The following ACVR2A variants were observed in gnomAD, a reference collection of about 807,000 sequenced individuals.
ACVR2A encodes activin receptor type-2A.
ACVR2A carries 7 observed loss-of-function variants against 61.4 expected under a neutral mutation model. The observed-to-expected ratio is 0.11, with a 90% CI of 0.06 to 0.21. ACVR2A has a LOEUF of 0.21. Ranked by LOEUF, ACVR2A falls within the 10% of genes least tolerant of loss-of-function variation. The pLI, the probability that ACVR2A is intolerant of heterozygous loss-of-function variation, is 1.00. For synonymous variants in ACVR2A, 193 were observed against 208.3 expected (o/e 0.93, Z 0.63); for missense variants, 322 against 621.7 (o/e 0.52, Z 5.13).
chr2:147,872,444 A>AT (rs1686044310), intron 1 of ACVR2A, among the ~76,000 whole-genome samples: 1 of 151,430 alleles, frequency 6.6e-6, no homozygotes, highest in East Asian at 1.9e-4. Context: ...GACTGCAGTG[A>AT]TTTTTTTATT....
rs2105194420 is a variant in ACVR2A at position 147,899,728 on chromosome 2, C to T, written c.374-16C>T. The T allele has an allele frequency of 2.5e-6, 4 of 1,608,930 alleles. No individual in the cohort carries two copies. The highest frequency in any genetic ancestry group is 3.4e-6 in the Non-Finnish European group (4 of 1,177,508). On this transcript the variant is annotated splice_polypyrimidine_tract_variant and intron_variant, in intron 3 of 10. Coordinates refer to ENST00000241416, the MANE Select transcript of ACVR2A (RefSeq NM_001616.5). ...GTAGACCAAATCTGAGTTATTTTTC[C>T]CCCCCTTTTCCACAGCCACTTCAAA...
chr2:147,860,193 G>A (rs1685694993), intron 1 of ACVR2A, among the ~76,000 whole-genome samples: 2 of 152,090 alleles, frequency 1.3e-5, no homozygotes, highest in South Asian at 4.1e-4. Context: ...CACCAGCTGG[G>A]CTCTTAACTC....
At chr2:147,916,128 TTTACCTCCTCTGTTCAATC>T (rs1271760127) in intron 5 of ACVR2A, among the ~76,000 whole-genome samples, 1 of 151,930 alleles carries the variant, frequency 6.6e-6, no homozygotes, top group Non-Finnish European at 1.5e-5. Flanking sequence ...TTTTAACCTT[TTTACCTCCTCTGTTCAATC>T]TTACCTCCTC....
chr2:147,890,522 T>G (rs979252815), intron 1 of ACVR2A, among the ~76,000 whole-genome samples: 8 of 152,152 alleles, frequency 5.3e-5, no homozygotes, highest in Non-Finnish European at 8.8e-5. Context: ...TGAGAAAATA[T>G]AGAGGGGATT....
At chr2:147,870,474 T>G (rs1428295822) in intron 1 of ACVR2A, among the ~76,000 whole-genome samples, 1 of 152,188 alleles carries the variant, frequency 6.6e-6, no homozygotes, top group Non-Finnish European at 1.5e-5. Context: ...TGAGAGCAGA[T>G]GTCACATTTC....
At chr2:147,923,646 G>A (rs1687437749) in intron 9 of ACVR2A, among the ~76,000 whole-genome samples, 1 of 151,996 alleles carries the variant, frequency 6.6e-6, no homozygotes, top group African/African-American at 2.4e-5. Context: ...GATATTTCCA[G>A]TGTGACAGAA....
intron 1 of ACVR2A, among the ~76,000 whole-genome samples, chr2:147,845,734 C>T (rs1338143822): frequency 8.5e-5 from 13 of 152,154 alleles, no homozygotes; most frequent in Admixed American, 4.6e-4. Context: ...TCTCCCCTCA[C>T]GTTTTCTTCA....
chr2:147,850,549 A>G (rs1685417989), intron 1 of ACVR2A, among the ~76,000 whole-genome samples: 1 of 152,200 alleles, frequency 6.6e-6, no homozygotes, highest in Non-Finnish European at 1.5e-5. Flanking sequence ...AAATTTGACT[A>G]GAACCAAGAG....
At chr2:147,908,811 A>G (rs1687049200) in intron 4 of ACVR2A, among the ~76,000 whole-genome samples, 4 of 151,986 alleles carry the variant, frequency 2.6e-5, no homozygotes, top group Admixed American at 1.3e-4. Flanking sequence ...AGGTATCTCC[A>G]CTCCCAGAAA....
chr2:147,854,979 C>A (rs1685533564), intron 1 of ACVR2A, among the ~76,000 whole-genome samples: 2 of 152,016 alleles, frequency 1.3e-5, no homozygotes, highest in South Asian at 4.1e-4. Context: ...CCTTCCAGTT[C>A]AAGTGATTCT....
chr2:147,891,004 G>A (rs575632973), intron 1 of ACVR2A, among the ~76,000 whole-genome samples: 1 of 152,078 alleles, frequency 6.6e-6, no homozygotes, highest in South Asian at 2.1e-4. Context: ...CTTAAAAAAT[G>A]GTGGAAATAT....
intron 1 of ACVR2A, among the ~76,000 whole-genome samples, chr2:147,848,082 T>C (rs1041413112): frequency 4.6e-5 from 7 of 152,206 alleles, no homozygotes; most frequent in African/African-American, 1.4e-4. Flanking sequence ...ACTGTGTATG[T>C]GTGAATGTAT....
chr2:147,927,124 C>T lies in ACVR2A; in HGVS notation c.1392C>T (p.His464=), dbSNP rs1282405333. Residue 464 remains histidine (H), a synonymous_variant, in exon 11 of 11, where the codon CAC becomes CAT. Coordinates refer to ENST00000241416, the MANE Select transcript of ACVR2A (RefSeq NM_001616.5). ...AAACCATTGAAGAATGTTGGGATCA[C>T]GACGCAGAAGCCAGGTTATCAGCTG... ...LCETIEECWD[H]DAEARLSAGC... 1.4e-5 allele frequency: 22 copies of T among 1,611,818 alleles called. No individual in the cohort carries two copies. Among genetic ancestry groups the T allele is most frequent in the South Asian group, 6.6e-5 (6 of 91,022 alleles).
intron 4 of ACVR2A, among the ~76,000 whole-genome samples, chr2:147,909,763 G>A (rs755169125): frequency 2.6e-5 from 4 of 152,018 alleles, no homozygotes; most frequent in African/African-American, 9.7e-5. Flanking sequence ...TCAGACATCC[G>A]AGTAGCTGGG....
At chr2:147,918,356 C>T (rs374473811) in intron 6 of ACVR2A, 91 bp from the exon 7 acceptor site, 4 of 1,124,246 alleles carry the variant, frequency 3.6e-6, no homozygotes, top group Non-Finnish European at 1.2e-6. Flanking sequence ...GAAAGGGAAA[C>T]TCACAACCTC....
chr2:147,908,678 T>G (rs1474819249), intron 4 of ACVR2A, among the ~76,000 whole-genome samples: 1 of 152,146 alleles, frequency 6.6e-6, no homozygotes, highest in Non-Finnish European at 1.5e-5. Context: ...ATGGTAAAAT[T>G]TCTTAGAATG....
At chr2:147,907,269 T>C (rs1687009890) in intron 4 of ACVR2A, among the ~76,000 whole-genome samples, 2 of 152,182 alleles carry the variant, frequency 1.3e-5, no homozygotes, top group Admixed American at 6.6e-5. Context: ...GTTCCATGTC[T>C]TTGCTGTTGT....
At chr2:147,915,068 C>G (rs1687217542) in intron 4 of ACVR2A, 123 bp from the exon 5 acceptor site, 1 of 853,116 alleles carries the variant, frequency 1.2e-6, no homozygotes, top group African/African-American at 1.7e-5. Context: ...AAGTTAATGT[C>G]ATTCATATGT....
rs138097516 is a variant in ACVR2A at position 147,919,258 on chromosome 2, T to C, written c.962+666T>C. Among the ~76,000 whole-genome samples the C allele has an allele frequency of 9.9e-5, 15 of 152,278 alleles. No individual in the cohort carries two copies. The South Asian group carries it at 1.5e-3, about 15-fold the overall frequency. Reference sequence around the variant, plus strand: ...GCCACCAGGCGATGTTTTAGGTTGCTGGGAGGCATTATTGTAAGTCAGCCT... The same window carrying C: ...GCCACCAGGCGATGTTTTAGGTTGCCGGGAGGCATTATTGTAAGTCAGCCT... On this transcript the variant is annotated intron_variant, in intron 7 of 10. Coordinates refer to ENST00000241416, the MANE Select transcript of ACVR2A (RefSeq NM_001616.5).
Sources: gnomAD v4.1 joint callset for allele counts (sites outside exome capture counted in the v4.1 genomes callset) on GRCh38, gnomAD v4.1.1 for gene constraint, MANE v1.5 for transcripts, NCBI Gene and HGNC (gene_info 2026-07-23, HGNC 2026-07-21) for gene names.